DMD: variants seen among roughly 807,000 people sequenced by gnomAD.
DMD encodes mutant dystrophin.
A neutral mutation model predicts 330.1 loss-of-function variants in DMD; 63 were observed. The observed-to-expected ratio is 0.19, with a 90% CI of 0.16 to 0.24. The LOEUF (loss-of-function observed/expected upper bound fraction) is 0.24. Ranked by LOEUF, DMD falls within the 10% of genes least tolerant of loss-of-function variation. DMD has a pLI of 1.00. For synonymous variants in DMD, 1,223 were observed against 959.8 expected (o/e 1.27, Z -5.07); for missense variants, 3,344 against 2,684.1 (o/e 1.25, Z -5.43).
In DMD at chrX:32,124,520, C is replaced by CT. The variant is rs779060930; in HGVS notation, c.6438+92395dup. Among the ~76,000 whole-genome samples, 483 of 112,028 alleles carry CT rather than the reference C, an allele frequency of 4.3e-3. 2 individuals are homozygous for CT. Among genetic ancestry groups the CT allele is most frequent in the African/African-American group, 0.014 (435 of 30,871 alleles). ...TCCTAATAGACCCCAAAGGGGAGCT[C>CT]TTTTTTGGATACATGTCAGGAACAT... On this transcript the variant is annotated intron_variant, in intron 44 of 78. Transcript: ENST00000357033.
At chrX:32,111,817 G>T (rs980645161) in intron 44 of DMD, among the ~76,000 whole-genome samples, 1 of 111,642 alleles carries the variant, frequency 9.0e-6, no homozygotes, top group Admixed American at 9.6e-5. Flanking sequence ...TCTGCAGCAA[G>T]TGCTTCTCCA....
chrX:31,473,677 C>T (rs1329221205), intron 59 of DMD, among the ~76,000 whole-genome samples: 4 of 97,355 alleles, frequency 4.1e-5, no homozygotes, highest in Non-Finnish European at 8.0e-5. Context: ...CTCACCACTG[C>T]ACTCCAGCCT....
intron 4 of DMD, among the ~76,000 whole-genome samples, chrX:32,831,698 G>C (rs1366831300): frequency 3.1e-5 from 3 of 96,638 alleles, no homozygotes; most frequent in Non-Finnish European, 6.3e-5. Context: ...GTGTGTGTGT[G>C]ATGTGTGGTT....
intron 7 of DMD, among the ~76,000 whole-genome samples, chrX:32,736,176 C>A (rs1483469304): frequency 8.9e-6 from 1 of 112,326 alleles, no homozygotes; most frequent in Non-Finnish European, 1.9e-5. Context: ...TGCTCATCAT[C>A]ACTGGGCATC....
chrX:32,883,823 C>CAAAAAAAAAAAAAAAA lies in DMD; in HGVS notation c.94-34019_94-34004dup, dbSNP rs56150142. ...TGGGTGACAGAGCAAGACTCTGTTTCAAAAAAAAAAAAAAAAAAAAAAAAA... is the reference window on the plus strand; with the variant it reads ...TGGGTGACAGAGCAAGACTCTGTTTCAAAAAAAAAAAAAAAAAAAAAAAAAAAAAAAAAAAAAAAAA... On this transcript the variant is annotated intron_variant, in intron 2 of 78. Coordinates refer to ENST00000357033, the MANE Select transcript of DMD (RefSeq NM_004006.3). Among the ~76,000 whole-genome samples, 6 of 30,352 alleles carry CAAAAAAAAAAAAAAAA rather than the reference C, an allele frequency of 2.0e-4. 1 individual carries two copies. Among genetic ancestry groups the CAAAAAAAAAAAAAAAA allele is most frequent in the African/African-American group, 8.6e-4 (6 of 6,957 alleles). The allele number at this position is 30,352 out of a possible 115,157, so 26.4% of individuals were successfully genotyped here.
chrX:32,419,908 T>C (rs5971633), intron 29 of DMD, among the ~76,000 whole-genome samples: 2,810 of 112,028 alleles, frequency 0.025, 79 homozygotes, highest in African/African-American at 0.085. Flanking sequence ...CAATGAGCTA[T>C]AGAGTAATAT....
chrX:32,918,464 C>T (rs1232243428), intron 2 of DMD, among the ~76,000 whole-genome samples: 2 of 111,046 alleles, frequency 1.8e-5, no homozygotes, highest in African/African-American at 6.6e-5. Context: ...AAACCTCCCA[C>T]CTCAGCCTCC....
intron 44 of DMD, among the ~76,000 whole-genome samples, chrX:31,994,564 C>A (rs2095572122): frequency 9.0e-6 from 1 of 111,586 alleles, no homozygotes; most frequent in Admixed American, 9.5e-5. Context: ...AAGAGGCCTT[C>A]TTTTCGCATT....
At chrX:32,859,176 CGTT>C (rs2081857575) in intron 2 of DMD, among the ~76,000 whole-genome samples, 1 of 111,029 alleles carries the variant, frequency 9.0e-6, no homozygotes, top group African/African-American at 3.3e-5. Flanking sequence ...GGTGTAAAAA[CGTT>C]TAACTCGGCC....
intron 44 of DMD, among the ~76,000 whole-genome samples, chrX:32,108,608 T>C (rs1057108766): frequency 8.9e-6 from 1 of 111,893 alleles, no homozygotes; most frequent in Non-Finnish European, 1.9e-5. Context: ...GCCATTTTCA[T>C]GGAACCAAGG....
intron 60 of DMD, among the ~76,000 whole-genome samples, chrX:31,419,164 A>C (rs1212808580): frequency 1.9e-5 from 2 of 105,988 alleles, no homozygotes; most frequent in African/African-American, 3.5e-5. Flanking sequence ...GGCTGGTCTC[A>C]GACTCCTGGC....
chrX:31,237,556 TAGG>T (rs1344308974), intron 63 of DMD, among the ~76,000 whole-genome samples: 1 of 111,602 alleles, frequency 9.0e-6, no homozygotes, highest in Admixed American at 9.5e-5. Context: ...AAATCAATGG[TAGG>T]AGATTTTCAT....
intron 1 of DMD, among the ~76,000 whole-genome samples, chrX:33,160,304 G>A (rs993959096): frequency 9.0e-6 from 1 of 111,499 alleles, no homozygotes; most frequent in African/African-American, 3.3e-5. Flanking sequence ...TCAGCAACGC[G>A]TTTAGGAAAA....
At chrX:33,243,406 T>A (rs953739043) in intron 1 of DMD, among the ~76,000 whole-genome samples, 2 of 111,908 alleles carry the variant, frequency 1.8e-5, no homozygotes, top group Admixed American at 1.9e-4. Flanking sequence ...AATCTCCACA[T>A]GTTGGCAAGG....
intron 64 of DMD, among the ~76,000 whole-genome samples, chrX:31,212,885 A>G: frequency 8.9e-6 from 1 of 112,343 alleles, no homozygotes; most frequent in Non-Finnish European, 1.9e-5. Flanking sequence ...ATAAAACAGA[A>G]GCACCAAAAA....
At chrX:31,430,970 TG>T (rs2064025932) in intron 60 of DMD, among the ~76,000 whole-genome samples, 1 of 107,756 alleles carries the variant, frequency 9.3e-6, no homozygotes, top group Non-Finnish European at 1.9e-5. Flanking sequence ...GCCCGGCTAA[TG>T]TTTTGTATTT....
intron 67 of DMD, among the ~76,000 whole-genome samples, chrX:31,185,767 G>GTT: frequency 1.0e-5 from 1 of 96,564 alleles, no homozygotes; most frequent in African/African-American, 3.9e-5. Flanking sequence ...TGCTTAATAT[G>GTT]TTTTTTGTTT....
chrX:32,505,780 A>G (rs1303607787), intron 18 of DMD, among the ~76,000 whole-genome samples: 1 of 112,260 alleles, frequency 8.9e-6, no homozygotes, highest in African/African-American at 3.2e-5. Flanking sequence ...GAATGGATAA[A>G]TAAACTGTGA....
chrX:31,911,131 C>A (rs995146660), intron 47 of DMD, among the ~76,000 whole-genome samples: 1 of 111,857 alleles, frequency 8.9e-6, no homozygotes, highest in African/African-American at 3.2e-5. Flanking sequence ...CTTGTAATTG[C>A]TGAACAGTGT....
Sources: gnomAD v4.1 joint callset for allele counts (sites outside exome capture counted in the v4.1 genomes callset) on GRCh38, gnomAD v4.1.1 for gene constraint, MANE v1.5 for transcripts, NCBI Gene and HGNC (gene_info 2026-07-23, HGNC 2026-07-21) for gene names.